Variants in ESPN observed in about 807,000 individuals in gnomAD.
ESPN encodes the protein espin.
In ESPN, 68 loss-of-function variants were observed where a neutral mutation model predicts 77.7. That is an observed-to-expected ratio of 0.87 (90% CI 0.72 to 1.07). ESPN has a LOEUF of 1.07. ESPN is among the 50% of genes least tolerant of loss of function. ESPN has a pLI of 0.00. For missense variants in ESPN, 1,060 were observed against 1,239.0 expected, an observed-to-expected ratio of 0.86 and a Z score of 2.17; for synonymous variants, 449 against 567.1, an observed-to-expected ratio of 0.79 and a Z score of 2.96.
At chr1:6,439,052 C>T (rs1366104296) in intron 2 of ESPN, among the ~76,000 whole-genome samples, 1 of 152,162 alleles carries the variant, frequency 6.6e-6, no homozygotes, top group African/African-American at 2.4e-5. Context: ...GCAGAGGTTG[C>T]AGTGAGCTGA....
intron 12 of ESPN, among the ~76,000 whole-genome samples, chr1:6,458,920 G>T (rs926161653): frequency 4.4e-5 from 6 of 136,270 alleles, no homozygotes; most frequent in African/African-American, 1.8e-4. Context: ...GCAACAGAGT[G>T]AGACTCCATT....
chr1:6,457,936 C>G (rs1222521271), intron 12 of ESPN, among the ~76,000 whole-genome samples: 2 of 151,134 alleles, frequency 1.3e-5, no homozygotes, highest in South Asian at 4.2e-4. Flanking sequence ...CTTTGAGAGG[C>G]CAAGGCAGGG....
intron 12 of ESPN, among the ~76,000 whole-genome samples, chr1:6,459,175 AG>A (rs1644109188): frequency 6.6e-6 from 1 of 151,792 alleles, no homozygotes; most frequent in South Asian, 2.1e-4. Context: ...TGGGAGGTGG[AG>A]GTTGCAGTGA....
chr1:6,432,680 G>C (rs1470679798), intron 2 of ESPN, among the ~76,000 whole-genome samples: 1 of 152,230 alleles, frequency 6.6e-6, no homozygotes, highest in Admixed American at 6.5e-5. Flanking sequence ...TGCCTCACGT[G>C]GGGGCTACCT....
chr1:6,451,802 G>T lies in ESPN; in HGVS notation c.2062-31G>T. On this transcript the variant is annotated intron_variant, in intron 9 of 12. Transcript: ENST00000645284. This position sits in a 1 kb window ranked among gnomAD's most constrained non-coding sequence, Gnocchi z 4.3. Reference sequence around the variant, plus strand: ...CCGGCTTCCCTGGCCCTAGGCCACCGGGCGCTCAGCCCCACCGCTTCTCCC... The same window carrying T: ...CCGGCTTCCCTGGCCCTAGGCCACCTGGCGCTCAGCCCCACCGCTTCTCCC... 2 of 1,609,940 alleles carry T rather than the reference G, an allele frequency of 1.2e-6. No individual in the cohort carries two copies. Among genetic ancestry groups the T allele is most frequent in the East Asian group, 2.2e-5 (1 of 44,760 alleles).
intron 2 of ESPN, among the ~76,000 whole-genome samples, chr1:6,439,152 G>A (rs570924516): frequency 2.6e-5 from 4 of 152,274 alleles, no homozygotes; most frequent in South Asian, 2.1e-4. Context: ...TGCTAGTGCC[G>A]TAGCCCAGAG....
chr1:6,448,338 G>T (rs1643886307), intron 7 of ESPN: 2 of 338,268 alleles, frequency 5.9e-6, no homozygotes, highest in South Asian at 1.1e-4. Context: ...TCCCCCTGGC[G>T]TCGGGGCTGG....
chr1:6,434,350 C>G (rs963965659), intron 2 of ESPN, among the ~76,000 whole-genome samples: 5 of 152,216 alleles, frequency 3.3e-5, no homozygotes, highest in African/African-American at 9.7e-5. Context: ...CTTCATCACA[C>G]AGACAGATGT....
At chr1:6,431,044 C>A (rs963801367) in intron 2 of ESPN, among the ~76,000 whole-genome samples, 3 of 152,220 alleles carry the variant, frequency 2.0e-5, no homozygotes, top group African/African-American at 7.2e-5. Context: ...CTCACTCTGT[C>A]CCCCTCACAC....
chr1:6,440,778 G>T lies in ESPN; in HGVS notation c.828G>T (p.Leu276=). Residue 276 remains leucine (L), a synonymous_variant, in exon 4 of 13, where the codon CTG becomes CTT. Coordinates refer to ENST00000645284, the MANE Select transcript of ESPN (RefSeq NM_031475.3). ...CTGACCTGTGGGGCGGGACCCCGCT[G>T]CACGACGCCGCCGAGAACGGGGAGC... ...ISADLWGGTP[L]HDAAENGELE... 2 of 1,518,544 alleles carry T rather than the reference G, an allele frequency of 1.3e-6. No individual in the cohort carries two copies. The highest frequency in any genetic ancestry group is 1.2e-5 in the South Asian group (1 of 81,498). 94.1% of individuals were successfully genotyped at this position (1,518,544 alleles called of 1,614,324 possible). A position where few individuals can be genotyped will look rare whatever the true frequency, so the allele number is the denominator to read the frequency against.
Position 6,432,521 on chromosome 1 carries a change from C to T in ESPN, c.488+4102C>T, listed in dbSNP as rs1643287853. Among the ~76,000 whole-genome samples, 4 of 152,240 alleles carry T rather than the reference C, an allele frequency of 2.6e-5. No individual in the cohort carries two copies. In the South Asian group the frequency reaches 8.3e-4, roughly 31 times the overall value. ...ACAGCAGGAGACCATCTCATGTCTC[C>T]ACCAGCAGCTCCTGGTCCCAGCTGT... On this transcript the variant is annotated intron_variant, in intron 2 of 12. Transcript: ENST00000645284.
In ESPN at chr1:6,425,088, C is replaced by G. The variant is rs1481875713; in HGVS notation, c.133C>G (p.Arg45Gly). Reference protein sequence around the residue: ...LDALPVHHAARAGKLHCLRFL... With the variant: ...LDALPVHHAAGAGKLHCLRFL... Reference sequence around the variant, plus strand: ...CGCGCTGCCCGTGCACCACGCGGCCCGCGCTGGGAAGCTGCACTGTCTGCG... The same window carrying G: ...CGCGCTGCCCGTGCACCACGCGGCCGGCGCTGGGAAGCTGCACTGTCTGCG... Residue 45 changes from arginine to glycine, a missense_variant, in exon 1 of 13, where the codon CGC becomes GGC. Physicochemically the swap from Arg to Gly is moderately radical, Grantham distance 125 (BLOSUM62 -2). Coordinates refer to ENST00000645284, the MANE Select transcript of ESPN (RefSeq NM_031475.3). 6.7e-7 allele frequency: 1 copy of G among 1,489,264 alleles called. No homozygotes were observed. Among genetic ancestry groups the G allele is most frequent in the Non-Finnish European group, 8.9e-7 (1 of 1,127,814 alleles). 92.3% of individuals were successfully genotyped at this position (1,489,264 alleles called of 1,614,324 possible). A position where few individuals can be genotyped will look rare whatever the true frequency, so the allele number is the denominator to read the frequency against.
At chr1:6,440,119 C>G (rs1237331082) in intron 2 of ESPN, 135 bp from the exon 3 acceptor site, 9 of 942,384 alleles carry the variant, frequency 9.6e-6, no homozygotes, top group East Asian at 7.9e-5. Context: ...CGGGCAGCAG[C>G]GGGCCGGTGA....
At chr1:6,452,849 T>C (rs1298562880) in intron 10 of ESPN, among the ~76,000 whole-genome samples, 1 of 152,194 alleles carries the variant, frequency 6.6e-6, no homozygotes, top group Non-Finnish European at 1.5e-5. Flanking sequence ...GCAGGATGAG[T>C]TGCCTTTTAT....
intron 2 of ESPN, among the ~76,000 whole-genome samples, chr1:6,433,201 T>C (rs12079984): frequency 0.065 from 9,923 of 151,974 alleles, 394 homozygotes; most frequent in East Asian, 0.15. Flanking sequence ...TCCCAGCACT[T>C]TGGGAAGCTG....
intron 10 of ESPN, among the ~76,000 whole-genome samples, chr1:6,452,415 CA>C (rs1449295863): frequency 3.3e-5 from 5 of 151,966 alleles, no homozygotes; most frequent in African/African-American, 1.2e-4. Context: ...CTATGTTGGC[CA>C]GAGCTGGGAT....
At chr1:6,444,766 C>G in intron 6 of ESPN, 84 bp downstream of exon 6, 2 of 1,503,174 alleles carry the variant, frequency 1.3e-6, no homozygotes, top group East Asian at 2.3e-5. Flanking sequence ...TTGGGCCGCC[C>G]TGCCACAGCC....
At chr1:6,430,350 G>A (rs778699768) in intron 2 of ESPN, among the ~76,000 whole-genome samples, 14 of 152,226 alleles carry the variant, frequency 9.2e-5, no homozygotes, top group Non-Finnish European at 1.8e-4. Flanking sequence ...GGGTGGCCAC[G>A]GGACGAGGAA....
At chr1:6,442,107 G>C (rs1643658982) in intron 5 of ESPN, among the ~76,000 whole-genome samples, 3 of 152,218 alleles carry the variant, frequency 2.0e-5, no homozygotes, top group African/African-American at 7.2e-5. Flanking sequence ...CTGTGACTCT[G>C]TTGAGGGACC....
Sources: allele counts gnomAD v4.1 joint callset (sites outside exome capture counted in the v4.1 genomes callset), GRCh38; gene constraint gnomAD v4.1.1; non-coding constraint Gnocchi (gnomAD v3.1); transcripts MANE v1.5; gene names NCBI Gene and HGNC (gene_info 2026-07-23, HGNC 2026-07-21).